Variants in ADAMTS6 observed in about 807,000 individuals in gnomAD.
The protein encoded by ADAMTS6 is A disintegrin and metalloproteinase with thrombospondin motifs 6.
In ADAMTS6, 23 loss-of-function variants were observed where a neutral mutation model predicts 144.3. The observed-to-expected ratio is 0.16, with a 90% confidence interval of 0.11 to 0.23. The LOEUF (loss-of-function observed/expected upper bound fraction) is 0.23, where lower values mean the gene tolerates loss of function less well. Among genes scored for constraint, ADAMTS6 ranks in the 10% least tolerant of loss-of-function variants. The pLI, the probability that ADAMTS6 is intolerant of heterozygous loss-of-function variation, is 1.00. For missense variants in ADAMTS6, 999 were observed against 1,379.6 expected, an observed-to-expected ratio of 0.72 and a Z score of 4.37; for synonymous variants, 444 against 457.5, an observed-to-expected ratio of 0.97 and a Z score of 0.38.
chr5:65,325,581 G>C (rs989529969), intron 9 of ADAMTS6, among the ~76,000 whole-genome samples: 1 of 150,612 alleles, frequency 6.6e-6, no homozygotes, highest in Non-Finnish European at 1.5e-5. Context: ...CTACAGCCTT[G>C]ATCTTCTGGG....
intron 7 of ADAMTS6, among the ~76,000 whole-genome samples, chr5:65,359,907 C>T (rs537323111): frequency 1.1e-4 from 16 of 152,162 alleles, no homozygotes; most frequent in Admixed American, 4.6e-4. Flanking sequence ...AGGATACATA[C>T]GTTTTCGAGA....
intron 11 of ADAMTS6, among the ~76,000 whole-genome samples, chr5:65,283,418 C>A (rs1197677491): frequency 6.6e-6 from 1 of 151,656 alleles, no homozygotes; most frequent in Non-Finnish European, 1.5e-5. Flanking sequence ...TATAACTAAT[C>A]ACCAACTTAA....
Position 65,149,304 on chromosome 5 carries a change from C to T in ADAMTS6, c.*2532G>A, listed in dbSNP as rs1030131569. 1 of 152,178 alleles carries T rather than the reference C, an allele frequency of 6.6e-6. No homozygotes were observed. Among genetic ancestry groups the T allele is most frequent in the African/African-American group, 2.4e-5 (1 of 41,428 alleles). The allele number at this position is 152,178 out of a possible 1,614,324, so 9.4% of individuals were successfully genotyped here. On this transcript the variant is annotated 3_prime_UTR_variant, in exon 25 of 25. Transcript: ENST00000381055. ...TATTTAGGAATAGGGCATCATGTAG[C>T]CATGGGGGTGGCTACAGAGTAGCAG... is the stretch of plus-strand genomic sequence containing the variant.
chr5:65,168,734 A>G (rs1422411416), intron 24 of ADAMTS6, among the ~76,000 whole-genome samples: 1 of 141,904 alleles, frequency 7.0e-6, no homozygotes, highest in South Asian at 2.4e-4. Flanking sequence ...AACGCCGCTT[A>G]CCTACAACTA....
At chr5:65,335,571 C>T (rs1253397639) in intron 7 of ADAMTS6, among the ~76,000 whole-genome samples, 1 of 152,044 alleles carries the variant, frequency 6.6e-6, no homozygotes, top group Non-Finnish European at 1.5e-5. Flanking sequence ...TTCTAAACCT[C>T]CAAGTTCCAC....
intron 12 of ADAMTS6, among the ~76,000 whole-genome samples, chr5:65,265,736 C>T (rs1398640232): frequency 2.0e-5 from 3 of 151,956 alleles, no homozygotes; most frequent in African/African-American, 7.2e-5. Context: ...AGAGTTGAAT[C>T]TAAAGCTCAA....
chr5:65,230,022 C>T (rs1481943816), intron 15 of ADAMTS6, among the ~76,000 whole-genome samples: 1 of 151,874 alleles, frequency 6.6e-6, no homozygotes, highest in African/African-American at 2.4e-5. Flanking sequence ...AGATTCATAA[C>T]ATACAAGGGA....
intron 9 of ADAMTS6, among the ~76,000 whole-genome samples, chr5:65,313,146 C>T (rs879882457): frequency 1.6e-5 from 2 of 125,048 alleles, no homozygotes; most frequent in Non-Finnish European, 3.2e-5. Flanking sequence ...CACACACACA[C>T]ACACACACAC....
chr5:65,291,388 C>A lies in ADAMTS6; in HGVS notation c.1453G>T (p.Asp485Tyr). ...YPAVAPGQVY[D>Y]ADEQCRFQYG... ...TGGAAACGACATTGCTCATCAGCAT[C>A]ATACACCTGACCTGGGGCCACAGCT... The change falls in exon 11 of 25, where the codon GAT (aspartate) becomes TAT (tyrosine). Residue 485 changes from aspartate to tyrosine, a missense_variant. By Grantham distance (160) the Asp-to-Tyr change is radical. Coordinates refer to ENST00000381055, the MANE Select transcript of ADAMTS6 (RefSeq NM_197941.4). The A allele has an allele frequency of 6.2e-7, 1 of 1,614,036 alleles. No individual in the cohort carries two copies. The highest frequency in any genetic ancestry group is 8.5e-7 in the Non-Finnish European group (1 of 1,179,960).
intron 7 of ADAMTS6, among the ~76,000 whole-genome samples, chr5:65,394,648 C>T (rs1753194506): frequency 6.6e-6 from 1 of 152,094 alleles, no homozygotes; most frequent in African/African-American, 2.4e-5. Context: ...TTCAAGTTTC[C>T]ACAGGGCTCT....
At chr5:65,180,498 A>ATTC (rs1754279153) in intron 22 of ADAMTS6, among the ~76,000 whole-genome samples, 1 of 152,080 alleles carries the variant, frequency 6.6e-6, no homozygotes, top group South Asian at 2.1e-4. Context: ...ATCCAACTCC[A>ATTC]AAATCTGTCT....
chr5:65,214,443 G>A lies in ADAMTS6; in HGVS notation c.2575+351C>T, dbSNP rs781207575. On this transcript the variant is annotated intron_variant, in intron 20 of 24. Transcript: ENST00000381055. The surrounding 1 kb of genome is among the most constrained non-coding windows in gnomAD (Gnocchi z 4.6). The stretch of plus-strand genomic sequence containing the variant: ...TCCCATTACAAGAAGTTGCATCTGT[G>A]ATGTCTGATTCTTGCTCATTTTCTT... 5.5e-6 allele frequency: 2 copies of A among 363,350 alleles called. No individual in the cohort carries two copies. The highest frequency in any genetic ancestry group is 1.1e-5 in the Non-Finnish European group (2 of 188,648). The allele number at this position is 363,350 out of a possible 1,614,324, so 22.5% of individuals were successfully genotyped here.
chr5:65,232,505 T>G (rs1758329665), intron 15 of ADAMTS6, among the ~76,000 whole-genome samples: 1 of 151,138 alleles, frequency 6.6e-6, no homozygotes, highest in African/African-American at 2.4e-5. Context: ...AAATCAGAAA[T>G]GGAAGAGGAG....
intron 7 of ADAMTS6, among the ~76,000 whole-genome samples, chr5:65,412,930 A>G (rs1318374662): frequency 1.3e-5 from 2 of 152,284 alleles, no homozygotes; most frequent in East Asian, 3.9e-4. Context: ...TATGCACTTC[A>G]TTACTCTTTG....
chr5:65,170,824 G>T, intron 23 of ADAMTS6, 51 bp from the exon 24 acceptor site: 1 of 1,570,438 alleles, frequency 6.4e-7, no homozygotes, highest in African/African-American at 1.4e-5. Context: ...CAATTTTCAG[G>T]AGGTAAAAAA....
intron 13 of ADAMTS6, among the ~76,000 whole-genome samples, chr5:65,261,703 G>A (rs896285639): frequency 6.6e-5 from 10 of 152,152 alleles, no homozygotes; most frequent in Non-Finnish European, 1.3e-4. Flanking sequence ...AAACAAGATA[G>A]TGGGGATGGT....
In ADAMTS6 at chr5:65,372,905, A is replaced by G. The variant is rs912493727; in HGVS notation, c.1074-38820T>C. ...AAAAGAACAGAAATTATAACAAACT[A>G]TCTCTCAGACCACAGTGCAATCAAA... On this transcript the variant is annotated intron_variant, in intron 7 of 24. Coordinates refer to ENST00000381055, the MANE Select transcript of ADAMTS6 (RefSeq NM_197941.4). 2.0e-4 allele frequency among the ~76,000 whole-genome samples: 30 copies of G among 151,714 alleles called. No homozygotes were observed. The South Asian group carries it at 3.1e-3, about 16-fold the overall frequency.
intron 21 of ADAMTS6, among the ~76,000 whole-genome samples, chr5:65,190,193 C>T (rs1754921440): frequency 6.6e-6 from 1 of 152,166 alleles, no homozygotes; most frequent in Non-Finnish European, 1.5e-5. Context: ...ATTTTATCAA[C>T]ATCTACAAAT....
intron 23 of ADAMTS6, 69 bp from the exon 24 acceptor site, chr5:65,170,842 T>C (rs866077421): frequency 6.6e-7 from 1 of 1,510,292 alleles, no homozygotes; most frequent in East Asian, 2.3e-5. Flanking sequence ...AAATATACTA[T>C]GTCATTTCAA....
Sources: allele counts gnomAD v4.1 joint callset (sites outside exome capture counted in the v4.1 genomes callset), GRCh38; gene constraint gnomAD v4.1.1; non-coding constraint Gnocchi (gnomAD v3.1); transcripts MANE v1.5; gene names NCBI Gene and HGNC (gene_info 2026-07-23, HGNC 2026-07-21).